The following ENTREP2 variants were observed in gnomAD, a reference collection of about 807,000 sequenced individuals.
The protein encoded by ENTREP2 is protein ENTREP2.
the ENTREP2 span, among the ~76,000 whole-genome samples, chr15:29,400,927 T>G: frequency 6.6e-6 from 1 of 152,322 alleles, no homozygotes; most frequent in Admixed American, 6.5e-5. Context: ...TGCCTGGTGG[T>G]GAGTGGAAGT....
chr15:29,256,516 A>G, the ENTREP2 span, among the ~76,000 whole-genome samples: 3,594 of 152,290 alleles, frequency 0.024, 162 homozygotes, highest in African/African-American at 0.082. Flanking sequence ...TAACACCAAT[A>G]CAACTGCCGA....
chr15:29,562,002 C>T, the ENTREP2 span, among the ~76,000 whole-genome samples: 2 of 152,148 alleles, frequency 1.3e-5, no homozygotes, highest in Non-Finnish European at 2.9e-5. Flanking sequence ...CCTCCTGATG[C>T]GATGCACTGA....
the ENTREP2 span, among the ~76,000 whole-genome samples, chr15:29,284,145 T>C: frequency 1.3e-5 from 2 of 152,168 alleles, no homozygotes; most frequent in African/African-American, 4.8e-5. Context: ...AGTCTTAAGA[T>C]TGAAAGGGTT....
chr15:29,149,126 C>T, the ENTREP2 span, among the ~76,000 whole-genome samples: 1 of 152,180 alleles, frequency 6.6e-6, no homozygotes, highest in Non-Finnish European at 1.5e-5. Flanking sequence ...ATCTGCCGGC[C>T]TCCCAAAGTG....
At chr15:29,291,800 T>C in the ENTREP2 span, among the ~76,000 whole-genome samples, 3 of 152,246 alleles carry the variant, frequency 2.0e-5, no homozygotes, top group South Asian at 6.2e-4. Flanking sequence ...CCTATTTATT[T>C]TGAATATTCA....
At chr15:29,643,964 T>C in the ENTREP2 span, among the ~76,000 whole-genome samples, 1 of 151,998 alleles carries the variant, frequency 6.6e-6, no homozygotes, top group African/African-American at 2.4e-5. Flanking sequence ...TAAAAACATA[T>C]GCCTGCATAA....
the ENTREP2 span, among the ~76,000 whole-genome samples, chr15:29,542,007 T>G: frequency 6.6e-6 from 1 of 152,200 alleles, no homozygotes; most frequent in Admixed American, 6.5e-5. Flanking sequence ...TTGGTAGGGT[T>G]TATTGGTTTG....
At chr15:29,252,452 T>C in the ENTREP2 span, 903,083 of 1,547,422 alleles carry the variant, frequency 0.58, 268,366 homozygotes, top group South Asian at 0.62. Context: ...TTACACACAC[T>C]GCAGAAAGCA....
chr15:29,471,260 A>T, the ENTREP2 span, among the ~76,000 whole-genome samples: 2 of 152,328 alleles, frequency 1.3e-5, no homozygotes, highest in East Asian at 1.9e-4. Context: ...TCCATCACTA[A>T]GAGTAAAAAC....
At chr15:29,257,193 C>A in the ENTREP2 span, among the ~76,000 whole-genome samples, 529 of 152,162 alleles carry the variant, frequency 3.5e-3, 6 homozygotes, top group African/African-American at 0.012. Context: ...CCTGCCTCAG[C>A]CTCTCAAGTA....
chr15:29,218,595 A>G, the ENTREP2 span, among the ~76,000 whole-genome samples: 4 of 152,222 alleles, frequency 2.6e-5, no homozygotes, highest in South Asian at 6.2e-4. Context: ...CCAAAACAGC[A>G]TAATACTGGT....
the ENTREP2 span, among the ~76,000 whole-genome samples, chr15:29,405,582 C>T: frequency 6.6e-6 from 1 of 152,188 alleles, no homozygotes; most frequent in African/African-American, 2.4e-5. Context: ...CCCCAAACAG[C>T]TAATTACCCA....
the ENTREP2 span, among the ~76,000 whole-genome samples, chr15:29,531,409 G>C: frequency 2.6e-5 from 4 of 152,126 alleles, no homozygotes; most frequent in Non-Finnish European, 5.9e-5. Flanking sequence ...GACTGGTGTG[G>C]GGGAGGGCCA....
the ENTREP2 span, among the ~76,000 whole-genome samples, chr15:29,621,882 G>A: frequency 1.3e-5 from 2 of 152,154 alleles, no homozygotes; most frequent in Non-Finnish European, 2.9e-5. Context: ...CCACAGACAA[G>A]TACATAAACA....
chr15:29,641,837 A>AG, the ENTREP2 span, among the ~76,000 whole-genome samples: 1 of 151,746 alleles, frequency 6.6e-6, no homozygotes. Context: ...GTCTCAAAAA[A>AG]AAAAAAAAAA....
At chr15:29,656,960 T>C in the ENTREP2 span, among the ~76,000 whole-genome samples, 1 of 152,222 alleles carries the variant, frequency 6.6e-6, no homozygotes, top group East Asian at 1.9e-4. Flanking sequence ...TCCCTCACCT[T>C]GTGATTATGT....
chr15:29,496,187 C>A, the ENTREP2 span, among the ~76,000 whole-genome samples: 1 of 151,412 alleles, frequency 6.6e-6, no homozygotes, highest in African/African-American at 2.4e-5. Flanking sequence ...TTCTTAATTT[C>A]TTTTTCTAAT....
chr15:29,500,164 A>C, the ENTREP2 span, among the ~76,000 whole-genome samples: 1 of 152,200 alleles, frequency 6.6e-6, no homozygotes, highest in Admixed American at 6.5e-5. Flanking sequence ...TGGAGAATTA[A>C]ATACCTCAAT....
chr15:29,263,853 G>A, the ENTREP2 span, among the ~76,000 whole-genome samples: 1 of 152,162 alleles, frequency 6.6e-6, no homozygotes, highest in African/African-American at 2.4e-5. Context: ...GCCTAGGGCA[G>A]GGAGAGTTAA....
Sources: gnomAD v4.1 joint callset for allele counts (sites outside exome capture counted in the v4.1 genomes callset) on GRCh38, gnomAD v4.1.1 for gene constraint, MANE v1.5 for transcripts, NCBI Gene and HGNC (gene_info 2026-07-23, HGNC 2026-07-21) for gene names.